Variants in LOC400499 observed in about 807,000 individuals in gnomAD.
At chr16:11,455,196 A>G in the LOC400499 span, among the ~76,000 whole-genome samples, 5 of 152,242 alleles carry the variant, frequency 3.3e-5, no homozygotes, top group African/African-American at 1.2e-4. Context: ...ATTTATAGTT[A>G]TAATTGGGTA....
the LOC400499 span, chr16:11,424,269 C>T: frequency 5.0e-6 from 2 of 399,220 alleles, no homozygotes; most frequent in Non-Finnish European, 8.8e-6. Context: ...CCCCGCGTTC[C>T]ACAGCGCCAG....
chr16:11,375,866 A>T, the LOC400499 span, among the ~76,000 whole-genome samples: 2 of 151,680 alleles, frequency 1.3e-5, no homozygotes, highest in African/African-American at 2.4e-5. Flanking sequence ...AGTAGCTGGG[A>T]TTACACGCAT....
At chr16:11,451,767 CAGG>C in the LOC400499 span, among the ~76,000 whole-genome samples, 3 of 152,100 alleles carry the variant, frequency 2.0e-5, no homozygotes, top group African/African-American at 7.2e-5. Flanking sequence ...CTGCTGGAGA[CAGG>C]AGATTTACTG....
At chr16:11,476,822 G>A in the LOC400499 span, 16 of 399,192 alleles carry the variant, frequency 4.0e-5, no homozygotes, top group East Asian at 2.1e-4. Context: ...TTAAGGACCC[G>A]GCCCTTCTGC....
At chr16:11,466,944 C>T in the LOC400499 span, among the ~76,000 whole-genome samples, 5 of 151,922 alleles carry the variant, frequency 3.3e-5, no homozygotes, top group East Asian at 1.9e-4. Flanking sequence ...TGTGTATGCA[C>T]GCACACACAC....
chr16:11,478,823 T>C, the LOC400499 span: 216 of 397,402 alleles, frequency 5.4e-4, no homozygotes, highest in African/African-American at 3.9e-3. Flanking sequence ...CTATGGGAGA[T>C]GACTGAATCA....
chr16:11,418,051 C>T, the LOC400499 span, among the ~76,000 whole-genome samples: 3 of 152,134 alleles, frequency 2.0e-5, no homozygotes, highest in South Asian at 4.2e-4. Flanking sequence ...GTAGAGAAAA[C>T]GCGGAGAAAC....
At chr16:11,390,247 C>T in the LOC400499 span, 1 of 1,232,660 alleles carries the variant, frequency 8.1e-7, no homozygotes. Flanking sequence ...TCATCCTCAC[C>T]TGCCAACTAC....
At chr16:11,385,444 T>G in the LOC400499 span, 1 of 1,228,518 alleles carries the variant, frequency 8.1e-7, no homozygotes, top group Non-Finnish European at 1.0e-6. Flanking sequence ...AAAGGCAGGG[T>G]GAGCGGGGCC....
chr16:11,501,111 T>C, the LOC400499 span: 669 of 394,836 alleles, frequency 1.7e-3, 6 homozygotes, highest in African/African-American at 0.013. Context: ...GACCCGGGTC[T>C]GGGACCCCGC....
At chr16:11,416,510 C>T in the LOC400499 span, among the ~76,000 whole-genome samples, 3 of 152,148 alleles carry the variant, frequency 2.0e-5, no homozygotes, top group South Asian at 4.1e-4. Flanking sequence ...TGCACCCATT[C>T]GATACCTACT....
chr16:11,477,951 A>G, the LOC400499 span: 1 of 398,960 alleles, frequency 2.5e-6, no homozygotes. Flanking sequence ...ACGGTGGGAA[A>G]GACCAGTTCC....
chr16:11,428,961 T>A, the LOC400499 span, among the ~76,000 whole-genome samples: 1 of 152,130 alleles, frequency 6.6e-6, no homozygotes, highest in Non-Finnish European at 1.5e-5. Flanking sequence ...AGCCATCTCG[T>A]AGGGACTCCC....
the LOC400499 span, among the ~76,000 whole-genome samples, chr16:11,391,452 A>C: frequency 3.9e-5 from 6 of 152,238 alleles, no homozygotes; most frequent in African/African-American, 1.2e-4. Context: ...AGACTCTGTA[A>C]AAATGACACA....
chr16:11,373,349 G>C, the LOC400499 span, among the ~76,000 whole-genome samples: 1 of 152,182 alleles, frequency 6.6e-6, no homozygotes, highest in Non-Finnish European at 1.5e-5. Flanking sequence ...TAAAAGATGG[G>C]TTTTAACTTT....
the LOC400499 span, among the ~76,000 whole-genome samples, chr16:11,445,084 G>A: frequency 1.4e-5 from 1 of 71,194 alleles, no homozygotes; most frequent in East Asian, 3.0e-4. Context: ...GTGAGACTTT[G>A]TCTTTAAAAA....
the LOC400499 span, among the ~76,000 whole-genome samples, chr16:11,445,811 A>G: frequency 6.7e-6 from 1 of 149,728 alleles, no homozygotes; most frequent in Non-Finnish European, 1.5e-5. Flanking sequence ...ACCAAATGAA[A>G]CAGAGAACCC....
chr16:11,392,369 C>G, the LOC400499 span: 2 of 398,988 alleles, frequency 5.0e-6, no homozygotes, highest in Non-Finnish European at 8.8e-6. Context: ...CAGCAGGAGA[C>G]TCTGGTTGGC....
At chr16:11,431,880 G>A in the LOC400499 span, among the ~76,000 whole-genome samples, 12 of 152,132 alleles carry the variant, frequency 7.9e-5, no homozygotes, top group Non-Finnish European at 1.3e-4. Context: ...TGTGACCTAC[G>A]TTTTGGTCAG....
Sources: allele counts gnomAD v4.1 joint callset (sites outside exome capture counted in the v4.1 genomes callset), GRCh38; gene constraint gnomAD v4.1.1; transcripts MANE v1.5.